ALG12: variants seen among roughly 807,000 people sequenced by gnomAD.
ALG12 encodes the protein dol-P-Man:Man(7)GlcNAc(2)-PP-Dol alpha-1,6-mannosyltransferase.
In ALG12, 36 loss-of-function variants were observed where a neutral mutation model predicts 46.0. The observed-to-expected ratio is 0.78, with a 90% CI of 0.60 to 1.03. The LOEUF (loss-of-function observed/expected upper bound fraction) is 1.03. ALG12 is among the 50% of genes least tolerant of loss of function. The probability of loss-of-function intolerance (pLI) is 0.00; values close to 1 mark genes in which losing one functional copy is unlikely to be tolerated. For synonymous variants in ALG12, 326 were observed against 291.6 expected (o/e 1.12, Z -1.20); for missense variants, 599 against 633.5 (o/e 0.95, Z 0.58).
At chr22:49,870,592 T>G in the ALG12 span, among the ~76,000 whole-genome samples, 2 of 152,210 alleles carry the variant, frequency 1.3e-5, no homozygotes. Context: ...GTCGAGCATT[T>G]TTTCACGTCT....
chr22:49,887,276 A>G, the ALG12 span: 8 of 1,331,088 alleles, frequency 6.0e-6, no homozygotes, highest in African/African-American at 1.2e-4. Context: ...TGTGTACGAC[A>G]TCAGACCAGG....
the ALG12 span, chr22:49,883,845 C>T: frequency 5.1e-5 from 82 of 1,609,782 alleles, no homozygotes; most frequent in South Asian, 5.2e-4. Flanking sequence ...GAGCGGGCCT[C>T]GGTGGGACGG....
In ALG12 at chr22:49,913,407, G is replaced by A. The variant is rs779029465; in HGVS notation, c.273C>T (p.Ser91=). 6.2e-7 allele frequency: 1 copy of A among 1,613,854 alleles called. No individual in the cohort carries two copies. The highest frequency in any genetic ancestry group is 1.3e-5 in the African/African-American group (1 of 74,944). ...TACCTATTAGCTGAGAGTAAAACTT[G>A]GACATTTCTAACAGCGAAAGCACGT... The part of the protein sequence containing the change: ...AVYVLSLLEM[S]KFYSQLIVRG... Residue 91 remains serine (S), a synonymous_variant, in exon 3 of 10, where the codon TCC becomes TCT. Coordinates refer to ENST00000330817, the MANE Select transcript of ALG12 (RefSeq NM_024105.4).
the ALG12 span, among the ~76,000 whole-genome samples, chr22:49,868,504 A>C: frequency 6.6e-6 from 1 of 152,074 alleles, no homozygotes; most frequent in South Asian, 2.1e-4. Context: ...ACTTGAGCTC[A>C]TGAGGCGGAG....
the ALG12 span, among the ~76,000 whole-genome samples, chr22:49,864,820 CA>C: frequency 0.014 from 942 of 66,936 alleles, 6 homozygotes; most frequent in South Asian, 0.095. Context: ...ACCCTGTCTC[CA>C]AAAAAAAAAA....
the ALG12 span, among the ~76,000 whole-genome samples, chr22:49,880,402 C>T: frequency 1.2e-3 from 188 of 152,374 alleles, no homozygotes; most frequent in Admixed American, 4.5e-3. Context: ...TCCTCTCCCG[C>T]GCTCGGGACA....
In ALG12 at chr22:49,901,626, GGTAT is replaced by G. The variant is rs1470177747; in HGVS notation, c.*2208_*2211del. Reference sequence around the variant, plus strand: ...GCATTGTGTGTGTGCATGCGTGGTGGGTATGTATGGTGTGTGCACGTGTGATCAT... The same window carrying G: ...GCATTGTGTGTGTGCATGCGTGGTGGGTATGGTGTGTGCACGTGTGATCAT... On this transcript the variant is annotated 3_prime_UTR_variant, in exon 10 of 10. Coordinates refer to ENST00000330817, the MANE Select transcript of ALG12 (RefSeq NM_024105.4). 4 of 132,210 alleles carry G rather than the reference GGTAT, an allele frequency of 3.0e-5. No homozygotes were observed. Among genetic ancestry groups the G allele is most frequent in the African/African-American group, 7.8e-5 (2 of 25,566 alleles). The allele number at this position is 132,210 out of a possible 1,614,324, so 8.2% of individuals were successfully genotyped here. A position where few individuals can be genotyped will look rare whatever the true frequency, so the allele number is the denominator to read the frequency against.
the ALG12 span, chr22:49,884,940 C>G: frequency 6.2e-7 from 1 of 1,608,854 alleles, no homozygotes; most frequent in Non-Finnish European, 8.5e-7. Context: ...CCTCGGCGTC[C>G]TCTCCTGAGA....
At chr22:49,881,233 C>T in the ALG12 span, among the ~76,000 whole-genome samples, 7 of 152,226 alleles carry the variant, frequency 4.6e-5, no homozygotes, top group Non-Finnish European at 7.3e-5. Context: ...CCTGTAATCC[C>T]AGCTACTTGG....
At position 49,904,431 on chromosome 22, in the gene ALG12, G is replaced by A. The variant is rs371321442; in HGVS notation, c.1068C>T (p.Ala356=). ...LLVIGHLVVN[A]AYSATALYVS... Reference sequence around the variant, plus strand: ...CATACAGGGCCGTGGCTGAGTAGGCGGCATTCACCACGAGGTGTCCGATCA... The same window carrying A: ...CATACAGGGCCGTGGCTGAGTAGGCAGCATTCACCACGAGGTGTCCGATCA... The change falls in exon 8 of 10, where the codon GCC becomes GCT. Residue 356 remains alanine, a synonymous_variant. Coordinates refer to ENST00000330817, the MANE Select transcript of ALG12 (RefSeq NM_024105.4). The A allele has an allele frequency of 4.2e-5, 67 of 1,614,146 alleles. No individual in the cohort carries two copies. In the African/African-American group the frequency reaches 6.8e-4, roughly 16 times the overall value.
At chr22:49,878,495 T>C in the ALG12 span, among the ~76,000 whole-genome samples, 1 of 152,160 alleles carries the variant, frequency 6.6e-6, no homozygotes, top group East Asian at 1.9e-4. Flanking sequence ...ACATGGGCAC[T>C]TCATGGAGAA....
At chr22:49,874,158 C>G in the ALG12 span, among the ~76,000 whole-genome samples, 242 of 152,284 alleles carry the variant, frequency 1.6e-3, no homozygotes, top group African/African-American at 5.5e-3. Flanking sequence ...AGACTCCCAT[C>G]CAGTGCTGTA....
chr22:49,905,768 C>T lies in ALG12; in HGVS notation c.993-1262G>A, dbSNP rs1467241777. ...TTATCCAGTCTCAGGTGTTTCTTTA[C>T]ATCAGTGCGAGAGCAGACTAGTGCA... is the stretch of plus-strand genomic sequence containing the variant. On this transcript the variant is annotated intron_variant, in intron 7 of 9. Transcript: ENST00000330817. The surrounding 1 kb of genome is among the most constrained non-coding windows in gnomAD (Gnocchi z 4.9). 6.6e-6 allele frequency among the ~76,000 whole-genome samples: 1 copy of T among 152,220 alleles called. No individual in the cohort carries two copies. Among genetic ancestry groups the T allele is most frequent in the Non-Finnish European group, 1.5e-5 (1 of 68,048 alleles).
the ALG12 span, among the ~76,000 whole-genome samples, chr22:49,870,790 T>G: frequency 2.6e-3 from 395 of 152,280 alleles, 9 homozygotes; most frequent in African/African-American, 9.1e-3. Context: ...GATGGTCTCC[T>G]TTTCTGTGAT....
chr22:49,880,645 A>G, the ALG12 span, among the ~76,000 whole-genome samples: 17,163 of 152,210 alleles, frequency 0.11, 1,345 homozygotes, highest in African/African-American at 0.21. Flanking sequence ...TTTGTTCATC[A>G]TGGCTAGAAG....
At chr22:49,869,693 G>A in the ALG12 span, among the ~76,000 whole-genome samples, 4 of 152,088 alleles carry the variant, frequency 2.6e-5, no homozygotes, top group African/African-American at 4.8e-5. Context: ...ACGTAAAAGT[G>A]GAAAGGGTAG....
chr22:49,908,583 CAT>C lies in ALG12; in HGVS notation c.769-641_769-640del, dbSNP rs952948808. On this transcript the variant is annotated intron_variant, in intron 6 of 9. Transcript: ENST00000330817. The stretch of plus-strand genomic sequence containing the variant: ...AAAACAGACGGTCACGGGTGACACA[CAT>C]GTTGGGATTCGTTATGCTGTTCCAT... 1.3e-4 allele frequency among the ~76,000 whole-genome samples: 18 copies of C among 142,744 alleles called. 1 individual carries two copies. Among genetic ancestry groups the C allele is most frequent in the Admixed American group, 3.4e-4 (5 of 14,584 alleles). 93.6% of individuals were successfully genotyped at this position (142,744 alleles called of 152,430 possible).
At chr22:49,882,707 G>A in the ALG12 span, among the ~76,000 whole-genome samples, 2 of 152,248 alleles carry the variant, frequency 1.3e-5, no homozygotes, top group Non-Finnish European at 2.9e-5. Flanking sequence ...TGGCTGTCAG[G>A]TCCCGTGACT....
the ALG12 span, chr22:49,885,395 T>C: frequency 2.2e-5 from 35 of 1,597,854 alleles, no homozygotes; most frequent in Non-Finnish European, 2.6e-5. Context: ...ACAAAAGTCG[T>C]GTGCTTGCAC....
Sources: gnomAD v4.1 joint callset for allele counts (sites outside exome capture counted in the v4.1 genomes callset) on GRCh38, gnomAD v4.1.1 for gene constraint, Gnocchi (gnomAD v3.1) non-coding constraint, MANE v1.5 for transcripts, NCBI Gene and HGNC (gene_info 2026-07-23, HGNC 2026-07-21) for gene names.